Variants in IFT80 observed in about 807,000 individuals in gnomAD.
IFT80 encodes the protein intraflagellar transport 80.
In IFT80, 79 loss-of-function variants were observed where a neutral mutation model predicts 107.9. The ratio of observed to expected loss-of-function variants is 0.73; its 90% CI spans 0.61 to 0.88. The LOEUF (loss-of-function observed/expected upper bound fraction) is 0.88. Among genes scored for constraint, IFT80 ranks in the 40% least tolerant of loss-of-function variants. The pLI is 0.00. For synonymous variants in IFT80, 299 were observed against 300.9 expected, an observed-to-expected ratio of 0.99 and a Z score of 0.07; for missense variants, 797 against 914.2, an observed-to-expected ratio of 0.87 and a Z score of 1.65.
At chr3:160,315,053 AAGGGAGGGAGGGAGGGAGGGAGGG>A (rs3043631) in intron 9 of IFT80, among the ~76,000 whole-genome samples, 2 of 45,172 alleles carry the variant, frequency 4.4e-5, no homozygotes, top group Non-Finnish European at 8.4e-5. Context: ...AAAAAGAAGG[AAGGGAGGGAGGGAGGGAGGGAGGG>A]AGGGAGGGAG....
chr3:160,347,748 TA>T (rs1720397126), intron 8 of IFT80, among the ~76,000 whole-genome samples: 1 of 152,186 alleles, frequency 6.6e-6, no homozygotes, highest in Admixed American at 6.5e-5. Flanking sequence ...TCTCCATTTT[TA>T]AAGAGTTGAG....
chr3:160,310,951 C>A (rs181874882), intron 9 of IFT80, among the ~76,000 whole-genome samples: 2 of 152,204 alleles, frequency 1.3e-5, no homozygotes, highest in East Asian at 3.9e-4. Context: ...GAGACCCTGT[C>A]TCTACAAAAA....
intron 5 of IFT80, among the ~76,000 whole-genome samples, chr3:160,368,031 A>G (rs1455558572): frequency 6.6e-6 from 1 of 151,906 alleles, no homozygotes; most frequent in African/African-American, 2.4e-5. Flanking sequence ...AAATCAGACT[A>G]TTGTAGTAAT....
chr3:160,323,033 T>C (rs1225013765), intron 8 of IFT80, among the ~76,000 whole-genome samples: 1 of 152,020 alleles, frequency 6.6e-6, no homozygotes, highest in East Asian at 1.9e-4. Flanking sequence ...AGAGGCTCTT[T>C]AGTTTAATTA....
At chr3:160,340,369 C>G (rs779674058) in intron 8 of IFT80, among the ~76,000 whole-genome samples, 1 of 152,088 alleles carries the variant, frequency 6.6e-6, no homozygotes, top group Non-Finnish European at 1.5e-5. Flanking sequence ...AAATTTAGAG[C>G]CTTAGAAAAA....
intron 1 of IFT80, among the ~76,000 whole-genome samples, chr3:160,393,386 A>C (rs1381067812): frequency 6.6e-6 from 1 of 152,246 alleles, no homozygotes; most frequent in Non-Finnish European, 1.5e-5. Context: ...GTTAGACCTA[A>C]GTAAGCATTA....
intron 8 of IFT80, among the ~76,000 whole-genome samples, chr3:160,324,862 ACTGT>A (rs1295204057): frequency 2.0e-5 from 3 of 152,064 alleles, no homozygotes; most frequent in African/African-American, 4.8e-5. Context: ...AGACGACATG[ACTGT>A]ATATCTAGAA....
chr3:160,347,259 T>G (rs1352336735), intron 8 of IFT80, among the ~76,000 whole-genome samples: 1 of 152,086 alleles, frequency 6.6e-6, no homozygotes, highest in South Asian at 2.1e-4. Flanking sequence ...CCACAATGCT[T>G]TCTTACCAAA....
At chr3:160,395,189 C>T (rs984251607) in intron 1 of IFT80, among the ~76,000 whole-genome samples, 5 of 152,196 alleles carry the variant, frequency 3.3e-5, no homozygotes, top group African/African-American at 1.2e-4. Context: ...CCATTCTCCA[C>T]ACTTGAATCC....
chr3:160,335,679 CATATT>C lies in IFT80; in HGVS notation c.778-15745_778-15741del, dbSNP rs199635811. Among the ~76,000 whole-genome samples, 1,008 of 152,282 alleles carry C rather than the reference CATATT, an allele frequency of 6.6e-3. 25 individuals are homozygous for C. The highest frequency in any genetic ancestry group is 0.046 in the Admixed American group (699 of 15,282). On this transcript the variant is annotated intron_variant, in intron 8 of 19. Transcript: ENST00000326448. Reference sequence around the variant, plus strand: ...AAGCAACAACTTTATTCAGATGTCACATATTATATAATTCATCCTTTTAAAATATA... The same window carrying C: ...AAGCAACAACTTTATTCAGATGTCACATATAATTCATCCTTTTAAAATATA...
At chr3:160,259,496 C>A (rs1299718823) in intron 19 of IFT80, among the ~76,000 whole-genome samples, 1 of 152,110 alleles carries the variant, frequency 6.6e-6, no homozygotes, top group East Asian at 1.9e-4. Context: ...TCCTTTGCAC[C>A]AACTCTTAAA....
chr3:160,287,131 A>G (rs1161244498), intron 12 of IFT80, among the ~76,000 whole-genome samples: 2 of 152,230 alleles, frequency 1.3e-5, no homozygotes, highest in Non-Finnish European at 2.9e-5. Context: ...CTTCCTGGTT[A>G]GTGAACACAC....
intron 18 of IFT80, among the ~76,000 whole-genome samples, chr3:160,274,361 CAGA>C (rs758699485): frequency 2.6e-5 from 4 of 152,112 alleles, no homozygotes; most frequent in Non-Finnish European, 5.9e-5. Flanking sequence ...AAGAAATGTT[CAGA>C]AGGTTATATT....
chr3:160,365,594 C>T (rs922441254), intron 6 of IFT80, among the ~76,000 whole-genome samples: 4 of 152,084 alleles, frequency 2.6e-5, no homozygotes, highest in South Asian at 2.1e-4. Context: ...ACTGTATGCC[C>T]GGAATTGTCC....
chr3:160,279,467 T>G (rs1714522096), intron 15 of IFT80, 103 bp from the exon 16 acceptor site: 1 of 888,624 alleles, frequency 1.1e-6, no homozygotes, highest in African/African-American at 1.7e-5. Flanking sequence ...ACACGGAGTC[T>G]CCAATCTCCA....
At chr3:160,310,126 T>C (rs950545732) in intron 9 of IFT80, among the ~76,000 whole-genome samples, 2 of 152,206 alleles carry the variant, frequency 1.3e-5, no homozygotes, top group Non-Finnish European at 2.9e-5. Context: ...GGTCTATAAA[T>C]AACATTTCCT....
chr3:160,362,120 T>C (rs1721534731), intron 6 of IFT80, among the ~76,000 whole-genome samples: 1 of 152,056 alleles, frequency 6.6e-6, no homozygotes, highest in African/African-American at 2.4e-5. Flanking sequence ...ACAAAATTGA[T>C]AGACCACTAG....
intron 11 of IFT80, 54 bp downstream of exon 11, chr3:160,303,861 C>T (rs1716624368): frequency 9.0e-7 from 1 of 1,110,672 alleles, no homozygotes; most frequent in Admixed American, 1.7e-5. Flanking sequence ...TTAAAGAGTG[C>T]TTTAATGCTA....
intron 11 of IFT80, 80 bp from the exon 12 acceptor site, chr3:160,301,126 C>T (rs1716392590): frequency 1.6e-6 from 2 of 1,281,120 alleles, no homozygotes; most frequent in Non-Finnish European, 2.1e-6. Context: ...ATAGTTTATC[C>T]TTGGGAAAAA....
Sources: gnomAD v4.1 joint callset for allele counts (sites outside exome capture counted in the v4.1 genomes callset) on GRCh38, gnomAD v4.1.1 for gene constraint, MANE v1.5 for transcripts, NCBI Gene and HGNC (gene_info 2026-07-23, HGNC 2026-07-21) for gene names.